The following GPR139 variants were observed in gnomAD, a reference collection of about 807,000 sequenced individuals.
GPR139 encodes the protein G protein-coupled receptor 139.
Under a neutral mutation model 25.8 loss-of-function variants are expected in GPR139, and 12 were observed. The ratio of observed to expected loss-of-function variants is 0.47; its 90% CI spans 0.30 to 0.75. GPR139 has a LOEUF of 0.75. Among genes scored for constraint, GPR139 ranks in the 30% least tolerant of loss-of-function variants. The pLI, the probability that GPR139 is intolerant of heterozygous loss-of-function variation, is 0.07. For synonymous variants in GPR139, 184 were observed against 179.9 expected, an observed-to-expected ratio of 1.02 and a Z score of -0.18; for missense variants, 380 against 450.2, an observed-to-expected ratio of 0.84 and a Z score of 1.41.
At chr16:20,033,938 G>T (rs1158679940) in intron 1 of GPR139, among the ~76,000 whole-genome samples, 1 of 151,066 alleles carries the variant, frequency 6.6e-6, no homozygotes, top group Non-Finnish European at 1.5e-5. Context: ...TTTTTTGTGG[G>T]GTCAGATTTG....
intron 1 of GPR139, among the ~76,000 whole-genome samples, chr16:20,067,064 A>G (rs1452460187): frequency 1.3e-5 from 2 of 152,212 alleles, no homozygotes; most frequent in Admixed American, 6.5e-5. Context: ...ATCACACAGC[A>G]AACATGGTTT....
At chr16:20,035,790 G>A (rs1477732005) in intron 1 of GPR139, among the ~76,000 whole-genome samples, 1 of 152,208 alleles carries the variant, frequency 6.6e-6, no homozygotes, top group Non-Finnish European at 1.5e-5. Context: ...AGTATGAAGA[G>A]TTGGGTTTAT....
In GPR139 at chr16:20,031,661, C is replaced by T; in HGVS notation, c.*74G>A. On this transcript the variant is annotated 3_prime_UTR_variant, in exon 2 of 2. Transcript: ENST00000570682. ...GGATTAGCACTCTTAAGGAGAGCTG[C>T]TCAGCCATAGGATGGGACACCTTCC... 8.4e-7 allele frequency: 1 copy of T among 1,186,874 alleles called. No homozygotes were observed. The allele number at this position is 1,186,874 out of a possible 1,614,324, so 73.5% of individuals were successfully genotyped here. A position where few individuals can be genotyped will look rare whatever the true frequency, so the allele number is the denominator to read the frequency against.
intron 1 of GPR139, among the ~76,000 whole-genome samples, chr16:20,059,777 A>G (rs896834212): frequency 6.6e-6 from 1 of 152,198 alleles, no homozygotes; most frequent in Non-Finnish European, 1.5e-5. Flanking sequence ...CCTCATTCCC[A>G]GATGAGGAAA....
rs767531379 is a variant in GPR139, at chr16:20,031,901, G to A, written c.896C>T (p.Thr299Met). The change falls in exon 2 of 2, where the codon ACG becomes ATG. Residue 299 changes from threonine to methionine, a missense_variant. Coordinates refer to ENST00000570682, the MANE Select transcript of GPR139 (RefSeq NM_001002911.4). ...SKRFRTMAAA[T>M]LKAFFKCQKQ... ...CTGGCACTTGAAGAAAGCCTTGAGCGTGGCGGCTGCCATGGTGCGGAACCG... is the reference window on the plus strand; with the variant it reads ...CTGGCACTTGAAGAAAGCCTTGAGCATGGCGGCTGCCATGGTGCGGAACCG... 2.2e-5 allele frequency: 35 copies of A among 1,614,106 alleles called. No individual in the cohort carries two copies. Among genetic ancestry groups the A allele is most frequent in the Admixed American group, 3.3e-5 (2 of 60,006 alleles).
At chr16:20,051,771 T>C (rs2057373123) in intron 1 of GPR139, among the ~76,000 whole-genome samples, 1 of 152,176 alleles carries the variant, frequency 6.6e-6, no homozygotes, top group African/African-American at 2.4e-5. Context: ...GTGAAGGTAG[T>C]TTGCTTCCTC....
intron 1 of GPR139, among the ~76,000 whole-genome samples, chr16:20,033,866 A>G (rs774405303): frequency 7.2e-5 from 11 of 151,804 alleles, no homozygotes; most frequent in Non-Finnish European, 1.3e-4. Flanking sequence ...ATTGGCAAAA[A>G]CTGCAATTAC....
At chr16:20,051,831 C>T (rs183979474) in intron 1 of GPR139, among the ~76,000 whole-genome samples, 2 of 152,110 alleles carry the variant, frequency 1.3e-5, no homozygotes, top group Non-Finnish European at 2.9e-5. Flanking sequence ...CACGTGCCTG[C>T]GTGTCACAGA....
intron 1 of GPR139, among the ~76,000 whole-genome samples, chr16:20,069,690 A>T (rs1401882446): frequency 1.3e-5 from 2 of 151,918 alleles, no homozygotes; most frequent in African/African-American, 4.8e-5. Context: ...CATCCCCGGC[A>T]CTCTTTAGAA....
chr16:20,041,968 C>T (rs927651824), intron 1 of GPR139, among the ~76,000 whole-genome samples: 1 of 152,164 alleles, frequency 6.6e-6, no homozygotes, highest in African/African-American at 2.4e-5. Context: ...CTGGCTGACT[C>T]TTACCCAAAA....
At chr16:20,046,476 T>C (rs1402402670) in intron 1 of GPR139, among the ~76,000 whole-genome samples, 1 of 152,216 alleles carries the variant, frequency 6.6e-6, no homozygotes, top group Non-Finnish European at 1.5e-5. Flanking sequence ...TGAGCGTGTA[T>C]TATGTGCCAT....
intron 1 of GPR139, among the ~76,000 whole-genome samples, chr16:20,049,251 G>A (rs2057364046): frequency 6.6e-6 from 1 of 152,114 alleles, no homozygotes; most frequent in South Asian, 2.1e-4. Flanking sequence ...TGGATGGATG[G>A]ACTCCCCAAG....
At chr16:20,057,233 C>T (rs1040199717) in intron 1 of GPR139, among the ~76,000 whole-genome samples, 1 of 152,158 alleles carries the variant, frequency 6.6e-6, no homozygotes, top group Non-Finnish European at 1.5e-5. Flanking sequence ...TTACCTTGGG[C>T]AGGCCACTTT....
At chr16:20,050,617 G>A (rs1273235792) in intron 1 of GPR139, among the ~76,000 whole-genome samples, 1 of 152,206 alleles carries the variant, frequency 6.6e-6, no homozygotes, top group East Asian at 1.9e-4. Context: ...TCACCCAAGA[G>A]AGAGTAGGGA....
chr16:20,038,027 ATT>A (rs35022647), intron 1 of GPR139, among the ~76,000 whole-genome samples: 44 of 148,780 alleles, frequency 3.0e-4, no homozygotes, highest in Admixed American at 3.3e-4. Context: ...CACCCAGCTA[ATT>A]TTTTTTTTTT....
intron 1 of GPR139, among the ~76,000 whole-genome samples, chr16:20,049,408 T>G (rs2057364607): frequency 6.6e-6 from 1 of 152,228 alleles, no homozygotes; most frequent in Non-Finnish European, 1.5e-5. Context: ...TTCTGTTACC[T>G]TCTATAATAG....
At chr16:20,040,014 C>T (rs894784089) in intron 1 of GPR139, among the ~76,000 whole-genome samples, 2 of 152,174 alleles carry the variant, frequency 1.3e-5, no homozygotes, top group Non-Finnish European at 2.9e-5. Flanking sequence ...CTTCTTGGAA[C>T]CCAGTTGCCT....
At chr16:20,053,568 A>G (rs1406023958) in intron 1 of GPR139, among the ~76,000 whole-genome samples, 1 of 152,194 alleles carries the variant, frequency 6.6e-6, no homozygotes, top group African/African-American at 2.4e-5. Context: ...GAATTCAAGA[A>G]TCCAGTGGAT....
intron 1 of GPR139, among the ~76,000 whole-genome samples, chr16:20,051,419 T>A (rs1596468254): frequency 1.3e-5 from 2 of 152,196 alleles, no homozygotes; most frequent in Non-Finnish European, 2.9e-5. Context: ...ACCTCCCTAA[T>A]GGACATTCTG....
Sources: allele counts gnomAD v4.1 joint callset (sites outside exome capture counted in the v4.1 genomes callset), GRCh38; gene constraint gnomAD v4.1.1; transcripts MANE v1.5; gene names NCBI Gene and HGNC (gene_info 2026-07-23, HGNC 2026-07-21).